The following KIAA1217 variants were observed in gnomAD, a reference collection of about 807,000 sequenced individuals.
KIAA1217 encodes sickle tail protein homolog.
In KIAA1217, 88 loss-of-function variants were observed where a neutral mutation model predicts 163.9. The ratio of observed to expected loss-of-function variants is 0.54; its 90% CI spans 0.45 to 0.64. The LOEUF is 0.64. Among genes scored for constraint, KIAA1217 ranks in the 30% least tolerant of loss-of-function variants. The pLI, the probability that KIAA1217 is intolerant of heterozygous loss-of-function variation, is 0.00. For synonymous variants in KIAA1217, 903 were observed against 923.1 expected, an observed-to-expected ratio of 0.98 and a Z score of 0.39; for missense variants, 2,372 against 2,475.0, an observed-to-expected ratio of 0.96 and a Z score of 0.88.
At chr10:24,184,154 T>TGCTGTTTTTAAA (rs1330163243) in intron 2 of KIAA1217, among the ~76,000 whole-genome samples, 1 of 152,240 alleles carries the variant, frequency 6.6e-6, no homozygotes, top group Non-Finnish European at 1.5e-5. Context: ...TGGGGATATG[T>TGCTGTTTTTAAA]GCTGTTTTTA....
chr10:24,219,565 C>T (rs553502928), intron 1 of KIAA1217, 61 bp from the exon 2 acceptor site: 3 of 1,389,826 alleles, frequency 2.2e-6, no homozygotes, highest in South Asian at 3.0e-5. Flanking sequence ...TCTTGGTGTT[C>T]TGCAAATGAG....
In KIAA1217 at chr10:24,037,319, A is replaced by G. The variant is rs529901964; in HGVS notation, c.-171+29945A>G. On this transcript the variant is annotated intron_variant, in intron 2 of 18. Coordinates refer to the KIAA1217 transcript ENST00000376462. Reference sequence around the variant, plus strand: ...TGTCTCTACTAAAAAAATAAAAAATAAAAAGAATAAAAAATAAAAAACTAG... The same window carrying G: ...TGTCTCTACTAAAAAAATAAAAAATGAAAAGAATAAAAAATAAAAAACTAG... Among the ~76,000 whole-genome samples the G allele has an allele frequency of 3.9e-5, 6 of 152,146 alleles. No homozygotes were observed. The South Asian group carries it at 1.2e-3, about 32-fold the overall frequency.
intron 2 of KIAA1217, among the ~76,000 whole-genome samples, chr10:24,234,274 A>AT (rs888451211): frequency 6.6e-6 from 1 of 151,884 alleles, no homozygotes; most frequent in South Asian, 2.1e-4. Flanking sequence ...AAAATCCAAA[A>AT]AAAAAAAAAA....
chr10:24,543,657 A>G lies in KIAA1217; in HGVS notation c.4387A>G (p.Ile1463Val), dbSNP rs1192753856. The G allele has an allele frequency of 1.2e-6, 2 of 1,613,950 alleles. No homozygotes were observed. The highest frequency in any genetic ancestry group is 2.7e-5 in the African/African-American group (2 of 74,920). Residue 1463 changes from isoleucine (I) to valine (V), a missense_variant, in exon 19 of 21, where the codon ATC (isoleucine) becomes GTC (valine). By Grantham distance (29) the Ile-to-Val change is conservative. Transcript: ENST00000376454. Reference sequence around the variant, plus strand: ...GTCTGCCTATAAGAGACTTTCAACTATCTTTGAGGAATGTGATGAGGAATT... The same window carrying G: ...GTCTGCCTATAAGAGACTTTCAACTGTCTTTGAGGAATGTGATGAGGAATT... ...IRSAYKRLSTIFEECDEELER... is the reference protein window; with the variant it reads ...IRSAYKRLSTVFEECDEELER...
In KIAA1217 at chr10:24,473,673, C is replaced by A. The variant is rs775333587; in HGVS notation, c.1292C>A (p.Ser431Ter). ...IIAYHRTAIRSASAYCNPSMQ... is the reference protein window; with the variant it reads ...IIAYHRTAIR ...GCATATCACCGCACCGCCATCCGGT[C>A]AGCGAGTGCTTATTGTAACCCCTCA... The change falls in exon 6 of 21, where the codon TCA becomes TAA. Residue 431 changes from serine (S) to a stop codon, truncating the protein, a stop_gained. Coordinates refer to ENST00000376454, the MANE Select transcript of KIAA1217 (RefSeq NM_019590.5). LOFTEE classifies it high-confidence loss of function. 1.2e-6 allele frequency: 2 copies of A among 1,614,120 alleles called. No individual in the cohort carries two copies.
At position 24,326,750 on chromosome 10, in the gene KIAA1217, T is replaced by C. The variant is rs137875909; in HGVS notation, c.355-54119T>C. On this transcript the variant is annotated intron_variant, in intron 2 of 20. Coordinates refer to ENST00000376454, the MANE Select transcript of KIAA1217 (RefSeq NM_019590.5). Reference sequence around the variant, plus strand: ...TTGTTTTTCCAGTGAAAAATGGAACTTTAATTGCCTTTGGATACTTTCATA... The same window carrying C: ...TTGTTTTTCCAGTGAAAAATGGAACCTTAATTGCCTTTGGATACTTTCATA... Among the ~76,000 whole-genome samples, 343 of 152,300 alleles carry C rather than the reference T, an allele frequency of 2.3e-3. 1 individual carries two copies. Among genetic ancestry groups the C allele is most frequent in the African/African-American group, 7.9e-3 (328 of 41,560 alleles).
At chr10:24,331,949 G>A (rs767477507) in intron 2 of KIAA1217, among the ~76,000 whole-genome samples, 11 of 152,148 alleles carry the variant, frequency 7.2e-5, no homozygotes, top group Non-Finnish European at 1.3e-4. Flanking sequence ...ACAGGCGCGT[G>A]CCACCATGCC....
chr10:24,357,374 T>C (rs2049245374), intron 2 of KIAA1217, among the ~76,000 whole-genome samples: 1 of 152,164 alleles, frequency 6.6e-6, no homozygotes, highest in African/African-American at 2.4e-5. Context: ...AATCATCTTA[T>C]GTCTTATCCC....
chr10:24,106,609 A>G (rs929423111), intron 2 of KIAA1217, among the ~76,000 whole-genome samples: 12 of 152,076 alleles, frequency 7.9e-5, no homozygotes, highest in Non-Finnish European at 1.6e-4. Context: ...CAGTGATGGG[A>G]GTTGGAATCT....
intron 2 of KIAA1217, among the ~76,000 whole-genome samples, chr10:24,231,037 T>A (rs2131084575): frequency 6.6e-6 from 1 of 152,350 alleles, no homozygotes; most frequent in Non-Finnish European, 1.5e-5. Flanking sequence ...AAGACTGGAC[T>A]GGGGACCAGT....
Position 24,283,647 on chromosome 10 carries a change from C to A in KIAA1217, c.354+63738C>A, listed in dbSNP as rs568387014. ...TGCCACCGCACTTCAGCCTGAGGAA[C>A]AAAGCGACACTCCATCTCAAAAAAA... is the stretch of plus-strand genomic sequence containing the variant. On this transcript the variant is annotated intron_variant, in intron 2 of 20. Coordinates refer to ENST00000376454, the MANE Select transcript of KIAA1217 (RefSeq NM_019590.5). 6.6e-5 allele frequency among the ~76,000 whole-genome samples: 10 copies of A among 152,134 alleles called. No homozygotes were observed. In the South Asian group the frequency reaches 2.1e-3, roughly 32 times the overall value.
At chr10:24,100,325 G>T (rs1026794228) in intron 2 of KIAA1217, among the ~76,000 whole-genome samples, 3 of 152,214 alleles carry the variant, frequency 2.0e-5, no homozygotes, top group African/African-American at 7.2e-5. Flanking sequence ...CCCATTGGGT[G>T]TATGCAGCTG....
At chr10:24,233,385 C>T (rs1564312977) in intron 2 of KIAA1217, among the ~76,000 whole-genome samples, 1 of 152,176 alleles carries the variant, frequency 6.6e-6, no homozygotes, top group Non-Finnish European at 1.5e-5. Context: ...GCCTCCATAA[C>T]TCAAACACCT....
Position 24,533,106 on chromosome 10 carries a change from A to C in KIAA1217, c.3283A>C (p.Arg1095=). Residue 1095 remains arginine, a synonymous_variant, in exon 16 of 21, where the codon AGA becomes CGA. Transcript: ENST00000376454. ...AGATGCTGGACCAAGCCCACAGACC[A>C]GAGCTACAAAATATCCAGCAGAGGA... ...SEDAGPSPQT[R]ATKYPAEEPA... is the part of the protein sequence containing the mutation. 1.2e-6 allele frequency: 2 copies of C among 1,613,886 alleles called. No individual in the cohort carries two copies. Among genetic ancestry groups the C allele is most frequent in the Non-Finnish European group, 1.7e-6 (2 of 1,179,920 alleles).
At chr10:24,217,133 C>A (rs1329975216) in intron 1 of KIAA1217, among the ~76,000 whole-genome samples, 1 of 146,768 alleles carries the variant, frequency 6.8e-6, no homozygotes, top group East Asian at 2.1e-4. Context: ...AAAGATAAAG[C>A]TAAACCTCTT....
intron 2 of KIAA1217, among the ~76,000 whole-genome samples, chr10:24,094,540 A>G (rs987906018): frequency 2.0e-5 from 3 of 152,238 alleles, no homozygotes; most frequent in African/African-American, 7.2e-5. Flanking sequence ...TGGCTGCAGA[A>G]CAGCGGATTT....
chr10:23,792,668 ATT>A lies in KIAA1217; in HGVS notation c.-321+97448_-321+97449del, dbSNP rs898188577. Among the ~76,000 whole-genome samples, 1,189 of 129,502 alleles carry A rather than the reference ATT, an allele frequency of 9.2e-3. 27 individuals carry two copies. Among genetic ancestry groups the A allele is most frequent in the African/African-American group, 0.026 (945 of 35,928 alleles). The allele number at this position is 129,502 out of a possible 152,430, so 85.0% of individuals were successfully genotyped here. A position where few individuals can be genotyped will look rare whatever the true frequency, so the allele number is the denominator to read the frequency against. ...CCACCACGCCCGGCTAATTTTTTGT[ATT>A]TTTTTTTTTTTTTAATAGAGACAGG... On this transcript the variant is annotated intron_variant, in intron 1 of 18. Transcript: ENST00000376462.
intron 2 of KIAA1217, among the ~76,000 whole-genome samples, chr10:24,377,882 A>G (rs2052726151): frequency 6.6e-6 from 1 of 152,042 alleles, no homozygotes; most frequent in Admixed American, 6.5e-5. Flanking sequence ...CTTGTAAGGC[A>G]CCGTTATCCC....
chr10:23,812,127 A>G (rs1564442857), intron 1 of KIAA1217, among the ~76,000 whole-genome samples: 1 of 152,162 alleles, frequency 6.6e-6, no homozygotes, highest in Non-Finnish European at 1.5e-5. Flanking sequence ...TTGAGATATT[A>G]TGGGAAACCC....
Sources: gnomAD v4.1 joint callset for allele counts (sites outside exome capture counted in the v4.1 genomes callset) on GRCh38, gnomAD v4.1.1 for gene constraint, MANE v1.5 for transcripts, NCBI Gene and HGNC (gene_info 2026-07-23, HGNC 2026-07-21) for gene names.